Variants in GALNT17 observed in about 807,000 individuals in gnomAD.
GALNT17 encodes UDP-GalNAc:polypeptide N-acetylgalactosaminyltransferase-like 3.
Under a neutral mutation model 63.7 loss-of-function variants are expected in GALNT17, and 29 were observed. That is an observed-to-expected ratio of 0.46 (90% confidence interval 0.34 to 0.62). The LOEUF (loss-of-function observed/expected upper bound fraction) is 0.62. GALNT17 is among the 20% of genes least tolerant of loss of function. The pLI is 0.01. For synonymous variants in GALNT17, 305 were observed against 318.3 expected (o/e 0.96, Z 0.45); for missense variants, 603 against 799.6 (o/e 0.75, Z 2.97).
chr7:71,558,488 C>T (rs1789201245), intron 5 of GALNT17, among the ~76,000 whole-genome samples: 1 of 152,126 alleles, frequency 6.6e-6, no homozygotes, highest in Non-Finnish European at 1.5e-5. Context: ...CAGACAAAAA[C>T]AGGCAGTGTA....
At chr7:71,706,642 T>TAACA (rs537437588) in intron 9 of GALNT17, among the ~76,000 whole-genome samples, 27 of 152,212 alleles carry the variant, frequency 1.8e-4, no homozygotes, top group Non-Finnish European at 3.1e-4. Context: ...ATTTTGCTTC[T>TAACA]AACAATGACT....
At chr7:71,681,841 C>A (rs1791266860) in intron 9 of GALNT17, among the ~76,000 whole-genome samples, 1 of 152,192 alleles carries the variant, frequency 6.6e-6, no homozygotes, top group African/African-American at 2.4e-5. Context: ...GATCCCATAG[C>A]TTCCCCATGT....
At chr7:71,493,316 C>G (rs1788040344) in intron 5 of GALNT17, among the ~76,000 whole-genome samples, 1 of 152,150 alleles carries the variant, frequency 6.6e-6, no homozygotes, top group African/African-American at 2.4e-5. Flanking sequence ...GGCCCCAGTT[C>G]ACCTTCATAT....
chr7:71,182,138 G>C (rs563670800), intron 1 of GALNT17, among the ~76,000 whole-genome samples: 1 of 152,264 alleles, frequency 6.6e-6, no homozygotes. Flanking sequence ...TAGCACTATT[G>C]CACTCCAGCC....
At chr7:71,225,039 G>C (rs1306800479) in intron 1 of GALNT17, among the ~76,000 whole-genome samples, 2 of 152,038 alleles carry the variant, frequency 1.3e-5, no homozygotes, top group African/African-American at 4.8e-5. Context: ...CTTGATCTCT[G>C]CTCACTGCAA....
chr7:71,416,568 C>T (rs570313022), intron 4 of GALNT17, among the ~76,000 whole-genome samples: 4 of 151,576 alleles, frequency 2.6e-5, no homozygotes, highest in Admixed American at 6.6e-5. Context: ...GCCTAGATCG[C>T]GCCACTGCAC....
At chr7:71,419,027 G>T (rs902351878) in intron 4 of GALNT17, among the ~76,000 whole-genome samples, 1 of 152,164 alleles carries the variant, frequency 6.6e-6, no homozygotes, top group Non-Finnish European at 1.5e-5. Flanking sequence ...GTTGCAGTGA[G>T]CTGAGATCAT....
intron 2 of GALNT17, among the ~76,000 whole-genome samples, chr7:71,375,278 C>G (rs1179693096): frequency 2.0e-5 from 3 of 152,294 alleles, no homozygotes; most frequent in Non-Finnish European, 4.4e-5. Context: ...TTGGGCAGAA[C>G]AGTAAAAGGA....
At chr7:71,629,556 T>C (rs1310248863) in intron 6 of GALNT17, among the ~76,000 whole-genome samples, 1 of 152,082 alleles carries the variant, frequency 6.6e-6, no homozygotes, top group Non-Finnish European at 1.5e-5. Flanking sequence ...CATGGCTCAC[T>C]GTACCCTCAA....
chr7:71,655,042 AG>A (rs777931092), intron 6 of GALNT17, among the ~76,000 whole-genome samples: 4 of 152,068 alleles, frequency 2.6e-5, no homozygotes, highest in Non-Finnish European at 4.4e-5. Context: ...CGCCCACCTC[AG>A]CCCCCGAAAG....
chr7:71,134,835 G>GTTTTTTT (rs561383417), intron 1 of GALNT17, among the ~76,000 whole-genome samples: 13 of 57,908 alleles, frequency 2.2e-4, no homozygotes, highest in Non-Finnish European at 2.3e-4. Flanking sequence ...TTGTTTTATG[G>GTTTTTTT]TTTTTTTTTT....
chr7:71,305,613 T>G (rs1791276273), intron 1 of GALNT17, among the ~76,000 whole-genome samples: 1 of 152,132 alleles, frequency 6.6e-6, no homozygotes, highest in African/African-American at 2.4e-5. Flanking sequence ...TTGGTGGGTG[T>G]TATGACAACG....
At chr7:71,152,062 C>T (rs189207817) in intron 1 of GALNT17, among the ~76,000 whole-genome samples, 1 of 152,206 alleles carries the variant, frequency 6.6e-6, no homozygotes, top group Non-Finnish European at 1.5e-5. Flanking sequence ...AAAAACTTTG[C>T]TAATTTGCCG....
intron 1 of GALNT17, among the ~76,000 whole-genome samples, chr7:71,252,395 C>A: frequency 6.6e-6 from 1 of 151,958 alleles, no homozygotes; most frequent in East Asian, 1.9e-4. Context: ...CACGGTGGCA[C>A]GTGCCTGTAG....
At chr7:71,664,100 G>A (rs535742376) in intron 6 of GALNT17, among the ~76,000 whole-genome samples, 1 of 151,514 alleles carries the variant, frequency 6.6e-6, no homozygotes, top group Non-Finnish European at 1.5e-5. Context: ...TTTGGAGCAG[G>A]TCCTTACGGC....
intron 1 of GALNT17, among the ~76,000 whole-genome samples, chr7:71,294,409 CTTTTTTTTTT>C (rs869086513): frequency 1.1e-5 from 1 of 91,920 alleles, no homozygotes; most frequent in Non-Finnish European, 1.9e-5. Context: ...CTCATAAGTC[CTTTTTTTTTT>C]TTTTTTTTTT....
chr7:71,531,680 C>T (rs1788723317), intron 5 of GALNT17, among the ~76,000 whole-genome samples: 1 of 152,154 alleles, frequency 6.6e-6, no homozygotes, highest in East Asian at 1.9e-4. Flanking sequence ...GCCTCAACCT[C>T]CCAGGCTCAA....
intron 1 of GALNT17, among the ~76,000 whole-genome samples, chr7:71,274,559 T>C (rs6953385): frequency 0.06 from 9,080 of 152,312 alleles, 931 homozygotes; most frequent in African/African-American, 0.21. Flanking sequence ...GGTTGGCAGA[T>C]GTGAGCCACT....
At chr7:71,523,787 T>TAAATAAG (rs1562675393) in intron 5 of GALNT17, among the ~76,000 whole-genome samples, 5 of 120,404 alleles carry the variant, frequency 4.2e-5, no homozygotes, top group Non-Finnish European at 7.4e-5. Context: ...AAATAAATAA[T>TAAATAAG]AAAGAAAAGA....
Sources: gnomAD v4.1 joint callset for allele counts (sites outside exome capture counted in the v4.1 genomes callset) on GRCh38, gnomAD v4.1.1 for gene constraint, MANE v1.5 for transcripts, NCBI Gene and HGNC (gene_info 2026-07-23, HGNC 2026-07-21) for gene names.